TENM4: variants seen among roughly 807,000 people sequenced by gnomAD.
TENM4 encodes the protein teneurin-4.
In TENM4, 82 loss-of-function variants were observed where a neutral mutation model predicts 243.3. The observed-to-expected ratio is 0.34, with a 90% CI of 0.28 to 0.40. TENM4 has a LOEUF of 0.40. Among genes scored for constraint, TENM4 ranks in the 10% least tolerant of loss-of-function variants. TENM4 has a pLI of 1.00. For missense variants in TENM4, 3,138 were observed against 3,673.3 expected (o/e 0.85, Z 3.77); for synonymous variants, 1,412 against 1,456.3 (o/e 0.97, Z 0.69).
Position 78,884,752 on chromosome 11 carries a change from GTGAGC to G in TENM4, c.1084+5028_1084+5032del, listed in dbSNP as rs557605741. Among the ~76,000 whole-genome samples the G allele has an allele frequency of 1.3e-4, 20 of 152,366 alleles. 1 individual carries two copies. The South Asian group carries it at 3.7e-3, about 28-fold the overall frequency. On this transcript the variant is annotated intron_variant, in intron 9 of 33. Coordinates refer to ENST00000278550, the MANE Select transcript of TENM4 (RefSeq NM_001098816.3). The stretch of plus-strand genomic sequence containing the variant: ...GAATTACAGCATACAGGTTAAAAGT[GTGAGC>G]TCAAAAGAGAAAATAATTCGAAAGC...
At chr11:79,119,657 G>A (rs1483903256) in intron 4 of TENM4, among the ~76,000 whole-genome samples, 1 of 152,180 alleles carries the variant, frequency 6.6e-6, no homozygotes, top group Admixed American at 6.5e-5. Context: ...GCAGAGGCAG[G>A]CTGTTGGCAT....
intron 4 of TENM4, among the ~76,000 whole-genome samples, chr11:79,114,588 C>T (rs1457865403): frequency 6.6e-6 from 1 of 152,164 alleles, no homozygotes; most frequent in Non-Finnish European, 1.5e-5. Flanking sequence ...GGTGTGTGAC[C>T]TGTGCAGTCA....
chr11:79,383,204 C>G (rs1294384423), intron 1 of TENM4, among the ~76,000 whole-genome samples: 1 of 152,190 alleles, frequency 6.6e-6, no homozygotes, highest in Admixed American at 6.5e-5. Flanking sequence ...AGGGGAAGAG[C>G]CTTGCCTCCG....
At chr11:79,268,310 T>G (rs1855913440) in intron 2 of TENM4, among the ~76,000 whole-genome samples, 1 of 152,206 alleles carries the variant, frequency 6.6e-6, no homozygotes, top group Non-Finnish European at 1.5e-5. Context: ...TGTATATGAA[T>G]AGACTGTGTT....
At chr11:79,350,022 G>A (rs895892831) in intron 1 of TENM4, among the ~76,000 whole-genome samples, 2 of 152,162 alleles carry the variant, frequency 1.3e-5, no homozygotes, top group African/African-American at 4.8e-5. Context: ...ATCGCTTACT[G>A]TGTGCTGGCC....
intron 4 of TENM4, among the ~76,000 whole-genome samples, chr11:79,074,576 A>C (rs1444938461): frequency 1.3e-5 from 2 of 152,194 alleles, no homozygotes; most frequent in African/African-American, 4.8e-5. Context: ...GCTGCCACAG[A>C]GCAACCTGTC....
At chr11:79,039,045 T>C (rs7117163) in intron 6 of TENM4, among the ~76,000 whole-genome samples, 113,267 of 151,776 alleles carry the variant, frequency 0.75, 43,127 homozygotes, top group Non-Finnish European at 0.85. Context: ...CACTTGGTGG[T>C]GGTAGGGGCT....
chr11:79,044,235 G>A (rs1231186092), intron 6 of TENM4, among the ~76,000 whole-genome samples: 2 of 152,186 alleles, frequency 1.3e-5, no homozygotes, highest in African/African-American at 4.8e-5. Flanking sequence ...AATTTTGGAT[G>A]AATTCTACAT....
At chr11:79,014,084 A>C (rs1326022998) in intron 6 of TENM4, among the ~76,000 whole-genome samples, 2 of 152,214 alleles carry the variant, frequency 1.3e-5, no homozygotes, top group African/African-American at 4.8e-5. Flanking sequence ...AGAGCCCGGC[A>C]CAGTCTGTGG....
At chr11:78,714,242 T>C (rs1436865351) in intron 25 of TENM4, among the ~76,000 whole-genome samples, 1 of 152,246 alleles carries the variant, frequency 6.6e-6, no homozygotes, top group African/African-American at 2.4e-5. Context: ...TACAGATTTG[T>C]GTTTTTTGAA....
chr11:78,863,341 C>T (rs1858873559), intron 9 of TENM4, among the ~76,000 whole-genome samples: 1 of 152,208 alleles, frequency 6.6e-6, no homozygotes, highest in South Asian at 2.1e-4. Flanking sequence ...CCTCAAGGGG[C>T]TCACAGTCTG....
intron 1 of TENM4, among the ~76,000 whole-genome samples, chr11:79,366,028 G>A (rs1590913341): frequency 6.6e-6 from 1 of 152,176 alleles, no homozygotes; most frequent in Admixed American, 6.5e-5. Context: ...GTGATCAAGA[G>A]CCACAGTAAG....
At chr11:79,400,750 A>G (rs1331750736) in intron 1 of TENM4, among the ~76,000 whole-genome samples, 2 of 152,214 alleles carry the variant, frequency 1.3e-5, no homozygotes, top group Non-Finnish European at 2.9e-5. Context: ...GAGGAAACAC[A>G]CAATTGAAGT....
chr11:79,349,536 A>G (rs1382574661), intron 1 of TENM4, among the ~76,000 whole-genome samples: 1 of 152,220 alleles, frequency 6.6e-6, no homozygotes, highest in Non-Finnish European at 1.5e-5. Flanking sequence ...CTTTCTATGT[A>G]GCACACACCA....
At chr11:79,079,196 G>A (rs561820926) in intron 4 of TENM4, among the ~76,000 whole-genome samples, 15 of 152,242 alleles carry the variant, frequency 9.9e-5, no homozygotes, top group African/African-American at 3.4e-4. Flanking sequence ...CCTAATCAGC[G>A]GCTGGCAGGC....
At chr11:78,683,841 A>G (rs1419920379) in intron 29 of TENM4, among the ~76,000 whole-genome samples, 1 of 152,198 alleles carries the variant, frequency 6.6e-6, no homozygotes, top group East Asian at 1.9e-4. Flanking sequence ...TGAAAAAAGC[A>G]AATTTCAGCT....
intron 1 of TENM4, among the ~76,000 whole-genome samples, chr11:79,431,925 T>A (rs1046860044): frequency 6.6e-6 from 1 of 152,308 alleles, no homozygotes; most frequent in Non-Finnish European, 1.5e-5. Flanking sequence ...CATTTTTTTT[T>A]AATCCCAACC....
At chr11:79,069,603 C>T in intron 5 of TENM4, 119 bp downstream of exon 5, 9 of 1,338,592 alleles carry the variant, frequency 6.7e-6, no homozygotes, top group Middle Eastern at 2.7e-4. Flanking sequence ...ATATGGCACC[C>T]CAACTGGTGT....
intron 1 of TENM4, among the ~76,000 whole-genome samples, chr11:79,348,958 C>G (rs942745908): frequency 6.6e-5 from 10 of 152,096 alleles, no homozygotes; most frequent in Admixed American, 3.3e-4. Context: ...TATCGAAGTG[C>G]CTAACTGGAA....
Sources: allele counts gnomAD v4.1 joint callset (sites outside exome capture counted in the v4.1 genomes callset), GRCh38; gene constraint gnomAD v4.1.1; transcripts MANE v1.5; gene names NCBI Gene and HGNC (gene_info 2026-07-23, HGNC 2026-07-21).